The following MAGI2 variants were observed in gnomAD, a reference collection of about 807,000 sequenced individuals.
The protein encoded by MAGI2 is membrane associated guanylate kinase, WW and PDZ domain containing 2.
MAGI2 carries 35 observed loss-of-function variants against 133.3 expected under a neutral mutation model. The observed-to-expected ratio is 0.26, with a 90% CI of 0.20 to 0.35. MAGI2 has a LOEUF of 0.35. Among genes scored for constraint, MAGI2 ranks in the 10% least tolerant of loss-of-function variants. MAGI2 has a pLI of 1.00. For synonymous variants in MAGI2, 729 were observed against 710.6 expected (o/e 1.03, Z -0.41); for missense variants, 1,636 against 1,863.4 (o/e 0.88, Z 2.25).
At chr7:79,078,475 A>G (rs1815748847) in intron 1 of MAGI2, among the ~76,000 whole-genome samples, 1 of 152,198 alleles carries the variant, frequency 6.6e-6, no homozygotes, top group Admixed American at 6.5e-5. Flanking sequence ...ATATTTACAC[A>G]AAAGGCACTG....
At chr7:78,766,111 G>T (rs977042116) in intron 2 of MAGI2, among the ~76,000 whole-genome samples, 1 of 152,182 alleles carries the variant, frequency 6.6e-6, no homozygotes, top group Non-Finnish European at 1.5e-5. Flanking sequence ...TAACCCAGAG[G>T]GTTTGGTTCT....
At chr7:79,170,894 G>A (rs1296212792) in intron 1 of MAGI2, among the ~76,000 whole-genome samples, 2 of 152,078 alleles carry the variant, frequency 1.3e-5, no homozygotes, top group Non-Finnish European at 2.9e-5. Context: ...CATTCCATTA[G>A]CCAGTATTCT....
At chr7:78,611,860 T>A (rs1322453939) in intron 3 of MAGI2, among the ~76,000 whole-genome samples, 1 of 152,176 alleles carries the variant, frequency 6.6e-6, no homozygotes, top group Non-Finnish European at 1.5e-5. Context: ...CTGAATCCAC[T>A]CTGTCCTAGC....
intron 1 of MAGI2, among the ~76,000 whole-genome samples, chr7:79,056,638 A>G (rs1420331482): frequency 6.6e-6 from 1 of 152,224 alleles, no homozygotes; most frequent in Non-Finnish European, 1.5e-5. Flanking sequence ...TAGATGAGAA[A>G]AGTGAATGCC....
At chr7:78,567,825 A>G (rs987429135) in intron 3 of MAGI2, 1 of 152,216 alleles carries the variant, frequency 6.6e-6, no homozygotes, top group African/African-American at 2.4e-5. Flanking sequence ...TGCTTCCTCT[A>G]TGGTAAAACT....
chr7:79,188,391 C>A (rs1204184059), intron 1 of MAGI2, among the ~76,000 whole-genome samples: 1 of 151,808 alleles, frequency 6.6e-6, no homozygotes, highest in Non-Finnish European at 1.5e-5. Flanking sequence ...GTTTTCTGTT[C>A]CTGAGTTAGT....
At chr7:78,381,671 A>T (rs1353166435) in intron 6 of MAGI2, among the ~76,000 whole-genome samples, 1 of 152,190 alleles carries the variant, frequency 6.6e-6, no homozygotes, top group Non-Finnish European at 1.5e-5. Context: ...CACAAAAAGT[A>T]TATGCAAATG....
intron 13 of MAGI2, among the ~76,000 whole-genome samples, chr7:78,180,077 T>C (rs1827050805): frequency 6.6e-6 from 1 of 152,210 alleles, no homozygotes; most frequent in South Asian, 2.1e-4. Flanking sequence ...CAACTGCTCA[T>C]GGCAATCTCT....
chr7:78,642,473 C>T (rs913997699), intron 2 of MAGI2, among the ~76,000 whole-genome samples: 1 of 152,126 alleles, frequency 6.6e-6, no homozygotes, highest in Admixed American at 6.6e-5. Flanking sequence ...TCTAGCAAGA[C>T]TATGTGCTAA....
chr7:79,052,729 A>G (rs185134069), intron 1 of MAGI2, among the ~76,000 whole-genome samples: 7 of 152,344 alleles, frequency 4.6e-5, no homozygotes, highest in Admixed American at 4.6e-4. Flanking sequence ...ATCAATTAAC[A>G]TATTTACACA....
chr7:78,948,510 T>C lies in MAGI2; in HGVS notation c.418+58580A>G, dbSNP rs6945986. On this transcript the variant is annotated intron_variant, in intron 2 of 21. Coordinates refer to ENST00000354212, the MANE Select transcript of MAGI2 (RefSeq NM_012301.4). ...ACTGTCACTGCTGGCTGGTAGGAAA[T>C]AATGGCTTTGACTTTAAGTAGCCAC... Among the ~76,000 whole-genome samples the C allele has an allele frequency of 2.7e-3, 414 of 152,196 alleles. 3 individuals carry two copies. Among genetic ancestry groups the C allele is most frequent in the African/African-American group, 9.5e-3 (396 of 41,566 alleles).
At chr7:78,710,312 C>T (rs1369462589) in intron 2 of MAGI2, among the ~76,000 whole-genome samples, 1 of 152,120 alleles carries the variant, frequency 6.6e-6, no homozygotes, top group Non-Finnish European at 1.5e-5. Context: ...GCCAGCCCTG[C>T]ATGATCCTGA....
intron 1 of MAGI2, among the ~76,000 whole-genome samples, chr7:79,432,687 A>T (rs1440270281): frequency 6.6e-6 from 1 of 152,192 alleles, no homozygotes; most frequent in Non-Finnish European, 1.5e-5. Flanking sequence ...AAGACCCTGG[A>T]GGTATAATGC....
rs142173132 is a variant in MAGI2, at chr7:78,403,339, T to C, written c.1046-34126A>G. 6.2e-3 allele frequency among the ~76,000 whole-genome samples: 949 copies of C among 152,346 alleles called. 7 individuals carry two copies. Among genetic ancestry groups the C allele is most frequent in the Middle Eastern group, 0.02 (6 of 294 alleles). ...TACAAAGACATGAACTCATCCTTTG[T>C]TATGGCTGCATAGTATTCCATGGTG... On this transcript the variant is annotated intron_variant, in intron 6 of 21. Coordinates refer to ENST00000354212, the MANE Select transcript of MAGI2 (RefSeq NM_012301.4).
At chr7:78,780,969 A>G (rs957746679) in intron 2 of MAGI2, among the ~76,000 whole-genome samples, 1 of 152,202 alleles carries the variant, frequency 6.6e-6, no homozygotes, top group Admixed American at 6.5e-5. Flanking sequence ...TCATTTGTGT[A>G]GATGGCCTCA....
At chr7:78,162,001 T>A (rs1438510517) in intron 15 of MAGI2, among the ~76,000 whole-genome samples, 1 of 141,640 alleles carries the variant, frequency 7.1e-6, no homozygotes, top group African/African-American at 2.5e-5. Flanking sequence ...AAGTTGTTAT[T>A]GTCTTGGTGC....
chr7:78,386,575 T>C (rs1444346452), intron 6 of MAGI2, among the ~76,000 whole-genome samples: 2 of 152,214 alleles, frequency 1.3e-5, no homozygotes, highest in Non-Finnish European at 2.9e-5. Flanking sequence ...AAAGAGCCAG[T>C]CAGTCCCACA....
intron 2 of MAGI2, among the ~76,000 whole-genome samples, chr7:78,781,316 T>G (rs928066921): frequency 6.7e-6 from 1 of 149,478 alleles, no homozygotes; most frequent in Non-Finnish European, 1.5e-5. Context: ...GACATGGAGC[T>G]TGCAGTGAGC....
At chr7:78,377,489 T>C (rs555374772) in intron 6 of MAGI2, among the ~76,000 whole-genome samples, 80 of 151,630 alleles carry the variant, frequency 5.3e-4, no homozygotes, top group African/African-American at 1.7e-3. Context: ...AGAATAACAT[T>C]CTTGGGAAGG....
Sources: gnomAD v4.1 joint callset for allele counts (sites outside exome capture counted in the v4.1 genomes callset) on GRCh38, gnomAD v4.1.1 for gene constraint, MANE v1.5 for transcripts, NCBI Gene and HGNC (gene_info 2026-07-23, HGNC 2026-07-21) for gene names.